The following UNC5B variants were observed in gnomAD, a reference collection of about 807,000 sequenced individuals.
UNC5B encodes the protein netrin receptor UNC5B.
In UNC5B, 56 loss-of-function variants were observed where a neutral mutation model predicts 103.7. That is an observed-to-expected ratio of 0.54 (90% confidence interval 0.44 to 0.67). The LOEUF (loss-of-function observed/expected upper bound fraction) is 0.67. UNC5B is among the 30% of genes least tolerant of loss of function. UNC5B has a pLI of 0.00. For synonymous variants in UNC5B, 577 were observed against 542.0 expected, an observed-to-expected ratio of 1.06 and a Z score of -0.90; for missense variants, 1,194 against 1,284.5, an observed-to-expected ratio of 0.93 and a Z score of 1.08.
In UNC5B at chr10:71,301,066, C is replaced by A. The variant is rs1354307693; in HGVS notation, c.*1789C>A. ...AGCACAGAGGCCTCTTCAAAGGCCTCTCCCTCTTGGCACTCCAGGCAAGGC... is the reference window on the plus strand; with the variant it reads ...AGCACAGAGGCCTCTTCAAAGGCCTATCCCTCTTGGCACTCCAGGCAAGGC... On this transcript the variant is annotated 3_prime_UTR_variant, in exon 17 of 17. Coordinates refer to ENST00000335350, the MANE Select transcript of UNC5B (RefSeq NM_170744.5). 1 of 152,416 alleles carries A rather than the reference C, an allele frequency of 6.6e-6. No individual in the cohort carries two copies. The allele number at this position is 152,416 out of a possible 1,614,324, so 9.4% of individuals were successfully genotyped here.
At chr10:71,265,478 C>T (rs1366851482) in intron 1 of UNC5B, among the ~76,000 whole-genome samples, 1 of 152,182 alleles carries the variant, frequency 6.6e-6, no homozygotes, top group Non-Finnish European at 1.5e-5. Flanking sequence ...CAAAGAGACG[C>T]GTGAACTAAG....
intron 1 of UNC5B, among the ~76,000 whole-genome samples, chr10:71,226,614 G>A (rs1260929282): frequency 2.6e-5 from 4 of 152,246 alleles, no homozygotes; most frequent in Admixed American, 2.6e-4. Context: ...GGAGAGGATG[G>A]AGAAAGTATT....
chr10:71,284,692 C>T (rs1384639947), intron 2 of UNC5B, 28 bp from the exon 3 acceptor site: 1 of 1,611,702 alleles, frequency 6.2e-7, no homozygotes, highest in Non-Finnish European at 8.5e-7. Context: ...TGCCCCTGCC[C>T]CCTGACGGCT....
intron 1 of UNC5B, among the ~76,000 whole-genome samples, chr10:71,225,157 T>C (rs1208502188): frequency 6.6e-6 from 1 of 152,236 alleles, no homozygotes; most frequent in Non-Finnish European, 1.5e-5. Flanking sequence ...ACCCACCTTC[T>C]TTGAGCCTCA....
chr10:71,276,443 G>A (rs750204016), intron 1 of UNC5B, among the ~76,000 whole-genome samples: 1 of 152,282 alleles, frequency 6.6e-6, no homozygotes, highest in East Asian at 1.9e-4. Context: ...GAGGGCTCTC[G>A]TTGTTTTGGA....
intron 1 of UNC5B, among the ~76,000 whole-genome samples, chr10:71,231,007 C>T (rs968475754): frequency 6.6e-6 from 1 of 152,226 alleles, no homozygotes; most frequent in African/African-American, 2.4e-5. Flanking sequence ...CCATTTAACC[C>T]TGTCAGAGCA....
chr10:71,296,492 G>C (rs1042624627), intron 14 of UNC5B, 86 bp from the exon 15 acceptor site: 3 of 1,496,550 alleles, frequency 2.0e-6, no homozygotes, highest in Non-Finnish European at 2.7e-6. Flanking sequence ...GCCCCCCAAA[G>C]CTCCCAACCC....
At chr10:71,297,635 T>C (rs1344015231) in intron 15 of UNC5B, among the ~76,000 whole-genome samples, 1 of 152,250 alleles carries the variant, frequency 6.6e-6, no homozygotes. Context: ...TGGCTGGGCC[T>C]CCTTGGGGCT....
intron 13 of UNC5B, 44 bp from the exon 14 acceptor site, chr10:71,295,767 G>T (rs1346119952): frequency 6.3e-7 from 1 of 1,593,760 alleles, no homozygotes; most frequent in African/African-American, 1.3e-5. Context: ...AGGCCCATTG[G>T]CCAGGTGTGA....
At position 71,291,704 on chromosome 10, in the gene UNC5B, C is replaced by A. The variant is rs370243063; in HGVS notation, c.1567C>A (p.His523Asn). Residue 523 changes from histidine (H) to asparagine (N), a missense_variant, in exon 10 of 17, where the codon CAC becomes AAC. Coordinates refer to ENST00000335350, the MANE Select transcript of UNC5B (RefSeq NM_170744.5). ...TTTCGCCCGGGACACCCACTTCCTG[C>A]ACCTGCGCAGCGCCAGCCTCGGTTC... Reference protein sequence around the residue: ...SDFARDTHFLHLRSASLGSQQ... With the variant: ...SDFARDTHFLNLRSASLGSQQ... 6.2e-7 allele frequency: 1 copy of A among 1,612,926 alleles called. No homozygotes were observed. Among genetic ancestry groups the A allele is most frequent in the Non-Finnish European group, 8.5e-7 (1 of 1,180,016 alleles).
chr10:71,270,033 GT>G (rs1844606674), intron 1 of UNC5B, among the ~76,000 whole-genome samples: 1 of 152,166 alleles, frequency 6.6e-6, no homozygotes, highest in African/African-American at 2.4e-5. Flanking sequence ...AACACGCCTG[GT>G]GGGGCTTGGA....
In UNC5B at chr10:71,293,703, G is replaced by T. The variant is rs772695209; in HGVS notation, c.1945G>T (p.Val649Leu). ...CCACCCTTGCTGTCCCCTACAGGAG[G>T]TGGTGACCCTGGATGAGGAGACCCT... ...TQAHQGHWEE[V>L]VTLDEETLNT... The change falls in exon 13 of 17, where the codon GTG becomes TTG. Residue 649 changes from valine to leucine, a missense_variant. Coordinates refer to ENST00000335350, the MANE Select transcript of UNC5B (RefSeq NM_170744.5). 3.4e-5 allele frequency: 54 copies of T among 1,592,822 alleles called. No individual in the cohort carries two copies. Among genetic ancestry groups the T allele is most frequent in the Middle Eastern group, 3.3e-4 (2 of 6,052 alleles).
At chr10:71,215,225 T>A (rs1479355431) in intron 1 of UNC5B, among the ~76,000 whole-genome samples, 1 of 152,254 alleles carries the variant, frequency 6.6e-6, no homozygotes. Context: ...GCCAGAGTGT[T>A]GGCTTTCTCC....
At chr10:71,256,891 C>A (rs1331918598) in intron 1 of UNC5B, among the ~76,000 whole-genome samples, 1 of 152,216 alleles carries the variant, frequency 6.6e-6, no homozygotes, top group Non-Finnish European at 1.5e-5. Context: ...TGGGATGTCA[C>A]AAGAACACGG....
At chr10:71,233,201 G>A (rs1843715334) in intron 1 of UNC5B, among the ~76,000 whole-genome samples, 1 of 152,188 alleles carries the variant, frequency 6.6e-6, no homozygotes, top group African/African-American at 2.4e-5. Flanking sequence ...GTTGGACTGG[G>A]TGGTCTTCCA....
At chr10:71,264,668 G>A (rs1423402784) in intron 1 of UNC5B, among the ~76,000 whole-genome samples, 1 of 152,244 alleles carries the variant, frequency 6.6e-6, no homozygotes, top group East Asian at 1.9e-4. Context: ...AGAGCATAGA[G>A]CCGTGTGTGG....
chr10:71,232,908 C>T (rs1276454353), intron 1 of UNC5B, among the ~76,000 whole-genome samples: 1 of 152,192 alleles, frequency 6.6e-6, no homozygotes, highest in Non-Finnish European at 1.5e-5. Flanking sequence ...TTACCTTGCT[C>T]GTGGAGAGGA....
intron 12 of UNC5B, 51 bp downstream of exon 12, chr10:71,293,624 G>A (rs1448382090): frequency 3.1e-6 from 5 of 1,610,038 alleles, no homozygotes; most frequent in Middle Eastern, 3.3e-4. Context: ...TGCCCAGGGA[G>A]GCAAAAGAAA....
rs774215015 is a variant in UNC5B at position 71,293,810 on chromosome 10, C to G, written c.2052C>G (p.Gly684=). ...AGCTGGGCACCTACGTGTTCACGGGCGAGTCCTATTCCCGCTCAGCAGTCA... is the reference window on the plus strand; with the variant it reads ...AGCTGGGCACCTACGTGTTCACGGGGGAGTCCTATTCCCGCTCAGCAGTCA... ...LDQLGTYVFT[G]ESYSRSAVKR... The change falls in exon 13 of 17, where the codon GGC becomes GGG. Residue 684 remains glycine (G), a synonymous_variant. Transcript: ENST00000335350. 1.1e-5 allele frequency: 17 copies of G among 1,609,906 alleles called. No homozygotes were observed. Among genetic ancestry groups the G allele is most frequent in the Non-Finnish European group, 1.4e-5 (17 of 1,178,430 alleles).
Sources: gnomAD v4.1 joint callset for allele counts (sites outside exome capture counted in the v4.1 genomes callset) on GRCh38, gnomAD v4.1.1 for gene constraint, MANE v1.5 for transcripts, NCBI Gene and HGNC (gene_info 2026-07-23, HGNC 2026-07-21) for gene names.